CEP89: variants seen among roughly 807,000 people sequenced by gnomAD.
CEP89 encodes the protein centrosomal protein 89.
CEP89 carries 95 observed loss-of-function variants against 97.6 expected under a neutral mutation model. That is an observed-to-expected ratio of 0.97 (90% confidence interval 0.82 to 1.15). CEP89 has a LOEUF of 1.15. Among genes scored for constraint, CEP89 ranks in the 50% most tolerant of loss-of-function variants. The pLI is 0.00. For synonymous variants in CEP89, 354 were observed against 349.1 expected, an observed-to-expected ratio of 1.01 and a Z score of -0.16; for missense variants, 869 against 947.7, an observed-to-expected ratio of 0.92 and a Z score of 1.09.
intron 16 of CEP89, among the ~76,000 whole-genome samples, chr19:32,893,240 C>T (rs1036813511): frequency 6.6e-6 from 1 of 151,914 alleles, no homozygotes; most frequent in Non-Finnish European, 1.5e-5. Context: ...GCAGGAGTAG[C>T]TATACTTGCA....
intron 14 of CEP89, 40 bp downstream of exon 14, chr19:32,915,297 A>C (rs1970098334): frequency 6.5e-7 from 1 of 1,538,832 alleles, no homozygotes; most frequent in African/African-American, 1.4e-5. Flanking sequence ...TGTCTCGAAA[A>C]AAGAAAAAAA....
In CEP89 at chr19:32,926,105, C is replaced by T. The variant is rs1419025595; in HGVS notation, c.1164+85G>A. The T allele has an allele frequency of 5.2e-6, 5 of 953,878 alleles. No homozygotes were observed. The African/African-American group carries it at 6.5e-5, about 12-fold the overall frequency. 59.1% of individuals were successfully genotyped at this position (953,878 alleles called of 1,614,324 possible). On this transcript the variant is annotated intron_variant, in intron 11 of 18. Transcript: ENST00000305768. ...GGTTATCTATAATATGCTGGGTATA[C>T]CTACATTCAAAATGTTTTTATAAAA...
At chr19:32,913,266 T>C (rs1351673720) in intron 14 of CEP89, among the ~76,000 whole-genome samples, 1 of 148,648 alleles carries the variant, frequency 6.7e-6, no homozygotes, top group Non-Finnish European at 1.5e-5. Flanking sequence ...CAAGATTCTT[T>C]TTGACATGAG....
intron 16 of CEP89, 119 bp downstream of exon 16, chr19:32,899,738 C>T: frequency 2.2e-6 from 2 of 910,766 alleles, no homozygotes; most frequent in East Asian, 2.6e-5. Context: ...TGGAACCATC[C>T]ATCGTAAGTC....
chr19:32,955,405 C>G (rs1971025348), intron 3 of CEP89, among the ~76,000 whole-genome samples: 1 of 152,212 alleles, frequency 6.6e-6, no homozygotes, highest in Non-Finnish European at 1.5e-5. Flanking sequence ...TTTTCCTTCA[C>G]TTTCCATTGT....
rs79937657 is a variant in CEP89, at chr19:32,967,506, GAA to G, written c.40-1042_40-1041del. 1.3e-4 allele frequency among the ~76,000 whole-genome samples: 16 copies of G among 126,036 alleles called. 1 individual carries two copies. The highest frequency in any genetic ancestry group is 4.7e-4 in the South Asian group (2 of 4,248). 82.7% of individuals were successfully genotyped at this position (126,036 alleles called of 152,430 possible). On this transcript the variant is annotated intron_variant, in intron 1 of 18. Transcript: ENST00000305768. ...CGGGAGAAAGGCTCTCACTAAAAAT[GAA>G]AAAAAAAAAAAAGAGCATCAATGAG...
intron 5 of CEP89, among the ~76,000 whole-genome samples, chr19:32,946,947 G>A (rs1380449246): frequency 6.6e-6 from 1 of 151,932 alleles, no homozygotes; most frequent in Non-Finnish European, 1.5e-5. Context: ...TTTTTACAGT[G>A]AGACAGTATT....
At position 32,876,960 on chromosome 19, in the gene CEP89, G is replaced by A. The variant is rs1969187215; in HGVS notation, c.*2202C>T. On this transcript the variant is annotated 3_prime_UTR_variant, in exon 19 of 19. Coordinates refer to ENST00000305768, the MANE Select transcript of CEP89 (RefSeq NM_032816.5). ...CAGGGATGTCAACAGTGGTTCTCTA[G>A]GTCACGATGGCGGGAGCAGCATTCC... 1 of 152,264 alleles carries A rather than the reference G, an allele frequency of 6.6e-6. No individual in the cohort carries two copies. Among genetic ancestry groups the A allele is most frequent in the Admixed American group, 6.5e-5 (1 of 15,290 alleles). The allele number at this position is 152,264 out of a possible 1,614,324, so 9.4% of individuals were successfully genotyped here.
Position 32,909,103 on chromosome 19 carries a change from G to A in CEP89, c.1565+6234C>T, listed in dbSNP as rs112955045. On this transcript the variant is annotated intron_variant, in intron 14 of 18. Transcript: ENST00000305768. ...ATTGGACTGGCGGTCACATGTGGAA[G>A]CAGAGATGGCTCTCTTTGCTTTTAC... Among the ~76,000 whole-genome samples, 24 of 152,354 alleles carry A rather than the reference G, an allele frequency of 1.6e-4. 1 individual carries two copies. The highest frequency in any genetic ancestry group is 5.5e-4 in the African/African-American group (23 of 41,584).
intron 9 of CEP89, among the ~76,000 whole-genome samples, chr19:32,928,176 A>T (rs985286535): frequency 6.6e-6 from 1 of 152,064 alleles, no homozygotes; most frequent in African/African-American, 2.4e-5. Flanking sequence ...TCAGCCTCCC[A>T]AAGTGCTGGG....
At chr19:32,883,441 TTCAGGAGTTCGAGACCAGCCTGG>T (rs1485142859) in intron 17 of CEP89, among the ~76,000 whole-genome samples, 1 of 152,008 alleles carries the variant, frequency 6.6e-6, no homozygotes, top group Admixed American at 6.6e-5. Context: ...ATCACCTGAG[TTCAGGAGTTCGAGACCAGCCTGG>T]TCAGGAGTTC....
chr19:32,882,878 C>T (rs79210446), intron 17 of CEP89, among the ~76,000 whole-genome samples: 12,358 of 151,744 alleles, frequency 0.081, 1,568 homozygotes, highest in African/African-American at 0.27. Flanking sequence ...TTTTTTGAGA[C>T]GGCAGAGTCT....
At chr19:32,925,844 T>G (rs978249141) in intron 11 of CEP89, among the ~76,000 whole-genome samples, 1 of 152,052 alleles carries the variant, frequency 6.6e-6, no homozygotes, top group East Asian at 1.9e-4. Flanking sequence ...AAAGAAGCAC[T>G]TCCCCCCTGC....
intron 14 of CEP89, among the ~76,000 whole-genome samples, chr19:32,913,929 G>A (rs113836613): frequency 0.016 from 2,469 of 152,126 alleles, 70 homozygotes; most frequent in African/African-American, 0.057. Context: ...GTGAGCCACC[G>A]TGCCCGGCCA....
intron 18 of CEP89, among the ~76,000 whole-genome samples, chr19:32,880,639 TAAA>T (rs60785987): frequency 0.16 from 21,791 of 137,678 alleles, 1,873 homozygotes; most frequent in Non-Finnish European, 0.21. Flanking sequence ...ACCTTGTATT[TAAA>T]AAAAAAAAAA....
At chr19:32,963,071 T>C (rs1054572756) in intron 2 of CEP89, among the ~76,000 whole-genome samples, 3 of 151,832 alleles carry the variant, frequency 2.0e-5, no homozygotes, top group African/African-American at 7.3e-5. Flanking sequence ...AAATGCAAAA[T>C]AAGACCAGGC....
chr19:32,958,419 T>C (rs1971095663), intron 3 of CEP89, among the ~76,000 whole-genome samples: 1 of 152,174 alleles, frequency 6.6e-6, no homozygotes. Flanking sequence ...GCATAGTGGC[T>C]CACACTTGTA....
rs1276469615 is a variant in CEP89 at position 32,945,156 on chromosome 19, T to A, written c.595+3110A>T. ...AAAATTAGCCAGGTGTGGTGGTGCA[T>A]GCCTGTAATCCCAGCTACTCAGGAG... On this transcript the variant is annotated intron_variant, in intron 5 of 18. Transcript: ENST00000305768. 4.6e-5 allele frequency among the ~76,000 whole-genome samples: 7 copies of A among 151,900 alleles called. 1 individual carries two copies. The highest frequency in any genetic ancestry group is 1.5e-5 in the Non-Finnish European group (1 of 67,964).
At chr19:32,881,307 G>GTAA (rs57320662) in intron 18 of CEP89, among the ~76,000 whole-genome samples, 21 of 150,958 alleles carry the variant, frequency 1.4e-4, no homozygotes, top group South Asian at 4.2e-4. Flanking sequence ...TCTATAAGTA[G>GTAA]TAATAATAAT....
Sources: gnomAD v4.1 joint callset for allele counts (sites outside exome capture counted in the v4.1 genomes callset) on GRCh38, gnomAD v4.1.1 for gene constraint, MANE v1.5 for transcripts, NCBI Gene and HGNC (gene_info 2026-07-23, HGNC 2026-07-21) for gene names.